Variants in BBIP1 observed in about 807,000 individuals in gnomAD.
The protein encoded by BBIP1 is BBSome interacting protein 1.
In BBIP1, 6 loss-of-function variants were observed where a neutral mutation model predicts 8.9. The ratio of observed to expected loss-of-function variants is 0.67; its 90% CI spans 0.37 to 1.33. The LOEUF (loss-of-function observed/expected upper bound fraction) is 1.33, where lower values mean the gene tolerates loss of function less well. BBIP1 is among the 40% of genes most tolerant of loss of function. The pLI is 0.02. For missense variants in BBIP1, 111 were observed against 109.2 expected (o/e 1.02, Z -0.07); for synonymous variants, 32 against 33.4 (o/e 0.96, Z 0.14).
chr10:110,908,356 G>A (rs1322712951), intron 2 of BBIP1, among the ~76,000 whole-genome samples: 3 of 152,100 alleles, frequency 2.0e-5, no homozygotes, highest in South Asian at 2.1e-4. Flanking sequence ...TTCTAGTGAC[G>A]CAAGTACAAT....
chr10:110,918,899 G>T (rs7895872), intron 1 of BBIP1: 103,247 of 152,190 alleles, frequency 0.68, 35,685 homozygotes, highest in Non-Finnish European at 0.75. Context: ...GGGCGGCCAG[G>T]CTATTAACAC....
rs3206729 is a variant in BBIP1 at position 110,912,421 on chromosome 10, T to C, written c.37+5700A>G. On this transcript the variant is annotated intron_variant, in intron 2 of 3. Coordinates refer to ENST00000448814, the MANE Select transcript of BBIP1 (RefSeq NM_001195305.3). The stretch of plus-strand genomic sequence containing the variant: ...ATATCACAAATTATATGACAGCTTA[T>C]ATCACAACTCATGAGAAGATACTGA... Among the ~76,000 whole-genome samples, 1,213 of 152,308 alleles carry C rather than the reference T, an allele frequency of 8.0e-3. 16 individuals are homozygous for C. Among genetic ancestry groups the C allele is most frequent in the African/African-American group, 0.028 (1,158 of 41,564 alleles).
At chr10:110,905,395 T>C (rs889390167) in intron 2 of BBIP1, among the ~76,000 whole-genome samples, 4 of 152,088 alleles carry the variant, frequency 2.6e-5, no homozygotes, top group African/African-American at 9.7e-5. Context: ...ACCCCGTCTG[T>C]ATTAAAAATA....
intron 1 of BBIP1, among the ~76,000 whole-genome samples, chr10:110,918,515 A>G (rs933772296): frequency 1.9e-4 from 29 of 152,182 alleles, no homozygotes; most frequent in African/African-American, 7.0e-4. Flanking sequence ...CCTCCCTCCA[A>G]AGGCCAAGGA....
At chr10:110,900,784 T>C (rs376794056) in intron 3 of BBIP1, 1 of 371,738 alleles carries the variant, frequency 2.7e-6, no homozygotes, top group Non-Finnish European at 4.8e-6. Context: ...ACACAACTTT[T>C]TGTGTCAGAA....
At chr10:110,915,009 G>A (rs968736235) in intron 2 of BBIP1, among the ~76,000 whole-genome samples, 1 of 152,166 alleles carries the variant, frequency 6.6e-6, no homozygotes, top group Admixed American at 6.5e-5. Flanking sequence ...CAGTGTGCAA[G>A]GAAAGAGAAA....
chr10:110,906,215 C>T (rs916192958), intron 2 of BBIP1, among the ~76,000 whole-genome samples: 1 of 152,088 alleles, frequency 6.6e-6, no homozygotes, highest in Non-Finnish European at 1.5e-5. Flanking sequence ...ACTGTGTTAG[C>T]CAGGATGGTC....
intron 3 of BBIP1, 87 bp from the exon 4 acceptor site, chr10:110,900,613 A>AAATT (rs1228255873): frequency 1.8e-6 from 2 of 1,110,372 alleles, no homozygotes; most frequent in African/African-American, 3.2e-5. Flanking sequence ...AAGGTCTAAA[A>AAATT]AATTAATCTC....
At chr10:110,909,573 A>T (rs1846225325) in intron 2 of BBIP1, among the ~76,000 whole-genome samples, 1 of 152,232 alleles carries the variant, frequency 6.6e-6, no homozygotes, top group African/African-American at 2.4e-5. Flanking sequence ...AAGTCTTAGA[A>T]AAAGACAGAA....
rs981737163 is a variant in BBIP1 at position 110,898,913 on chromosome 10, G to T, written c.*1447C>A. Reference sequence around the variant, plus strand: ...AGTGAAAAATACAATAGTAAATTAAGATTACACTGGGGAAAAAAATGCAGG... The same window carrying T: ...AGTGAAAAATACAATAGTAAATTAATATTACACTGGGGAAAAAAATGCAGG... On this transcript the variant is annotated 3_prime_UTR_variant, in exon 4 of 4. Coordinates refer to ENST00000448814, the MANE Select transcript of BBIP1 (RefSeq NM_001195305.3). The T allele has an allele frequency of 6.6e-6, 1 of 152,124 alleles. No homozygotes were observed. The highest frequency in any genetic ancestry group is 1.5e-5 in the Non-Finnish European group (1 of 67,986). 9.4% of individuals were successfully genotyped at this position (152,124 alleles called of 1,614,324 possible).
intron 2 of BBIP1, chr10:110,917,902 G>T (rs1326462613): frequency 1.7e-6 from 1 of 581,000 alleles, no homozygotes; most frequent in Non-Finnish European, 3.1e-6. Context: ...ATTACTTCCT[G>T]CTGGGAAGAA....
At position 110,899,798 on chromosome 10, in the gene BBIP1, A is replaced by C. The variant is rs1015272907; in HGVS notation, c.*562T>G. Reference sequence around the variant, plus strand: ...CAACAAGAGTGAAACTCTTGTCTCAAAAAAAAAAAAAAATGAGGTTTAAGA... The same window carrying C: ...CAACAAGAGTGAAACTCTTGTCTCACAAAAAAAAAAAAATGAGGTTTAAGA... On this transcript the variant is annotated 3_prime_UTR_variant, in exon 4 of 4. Coordinates refer to ENST00000448814, the MANE Select transcript of BBIP1 (RefSeq NM_001195305.3). 2 of 43,862 alleles carry C rather than the reference A, an allele frequency of 4.6e-5. No individual in the cohort carries two copies. Among genetic ancestry groups the C allele is most frequent in the East Asian group, 3.8e-4 (1 of 2,606 alleles). The allele number at this position is 43,862 out of a possible 1,614,324, so 2.7% of individuals were successfully genotyped here. A position where few individuals can be genotyped will look rare whatever the true frequency, so the allele number is the denominator to read the frequency against.
rs902993467 is a variant in BBIP1, at chr10:110,900,289, A to G, written c.*71T>C. On this transcript the variant is annotated 3_prime_UTR_variant, in exon 4 of 4. Transcript: ENST00000448814. ...ATAACACATACTACTTTCAGCACAC[A>G]GAAGCATATTTTCTAGTTATTGTTA... 1.5e-6 allele frequency: 2 copies of G among 1,364,802 alleles called. No homozygotes were observed. Among genetic ancestry groups the G allele is most frequent in the Admixed American group, 5.1e-5 (2 of 39,282 alleles). The allele number at this position is 1,364,802 out of a possible 1,614,324, so 84.5% of individuals were successfully genotyped here.
At position 110,900,471 on chromosome 10, in the gene BBIP1, T is replaced by C. The variant is rs990110859; in HGVS notation, c.168A>G (p.Leu56=). 4.4e-5 allele frequency: 68 copies of C among 1,535,804 alleles called. No homozygotes were observed. The Admixed American group carries it at 4.7e-4, about 11-fold the overall frequency. ...MTMVLCKPKL[L]PLKSLTLEKL... is the part of the protein sequence containing the mutation. Reference sequence around the variant, plus strand: ...TTTCCAGAGTCAGAGATTTTAAGGGTAAAAGTTTGGGTTTACACAGCACCA... The same window carrying C: ...TTTCCAGAGTCAGAGATTTTAAGGGCAAAAGTTTGGGTTTACACAGCACCA... Residue 56 remains leucine, a synonymous_variant, in exon 4 of 4, where the codon TTA becomes TTG. Coordinates refer to ENST00000448814, the MANE Select transcript of BBIP1 (RefSeq NM_001195305.3).
At chr10:110,918,033 A>C in intron 2 of BBIP1, 88 bp downstream of exon 2, 1 of 1,150,648 alleles carries the variant, frequency 8.7e-7, no homozygotes, top group Non-Finnish European at 1.3e-6. Flanking sequence ...GCTGGCGTGT[A>C]AGTACTAAGG....
intron 2 of BBIP1, among the ~76,000 whole-genome samples, chr10:110,909,203 CCT>C (rs1491434277): frequency 4.0e-5 from 6 of 151,408 alleles, no homozygotes; most frequent in Middle Eastern, 3.2e-3. Flanking sequence ...AAAAAGTTGG[CCT>C]TTTTTTTTTT....
At chr10:110,907,005 G>A (rs779524200) in intron 2 of BBIP1, 2 of 152,214 alleles carry the variant, frequency 1.3e-5, no homozygotes, top group Non-Finnish European at 2.9e-5. Context: ...ACTCAATTAG[G>A]TATTCCTTCA....
chr10:110,910,625 C>G (rs973304483), intron 2 of BBIP1: 3 of 152,178 alleles, frequency 2.0e-5, no homozygotes, highest in Admixed American at 2.0e-4. Context: ...ATTAAGGGTA[C>G]AAGAAGTTGA....
At chr10:110,916,292 T>A (rs1227611413) in intron 2 of BBIP1, among the ~76,000 whole-genome samples, 1 of 152,234 alleles carries the variant, frequency 6.6e-6, no homozygotes, top group African/African-American at 2.4e-5. Flanking sequence ...CTCCCTTATG[T>A]GCAGTTTTTT....
Sources: allele counts gnomAD v4.1 joint callset (sites outside exome capture counted in the v4.1 genomes callset), GRCh38; gene constraint gnomAD v4.1.1; transcripts MANE v1.5; gene names NCBI Gene and HGNC (gene_info 2026-07-23, HGNC 2026-07-21).